ACSS3: variants seen among roughly 807,000 people sequenced by gnomAD.
ACSS3 encodes acyl-CoA synthetase short-chain family member 3, mitochondrial.
Under a neutral mutation model 84.2 loss-of-function variants are expected in ACSS3, and 64 were observed. That is an observed-to-expected ratio of 0.76 (90% CI 0.62 to 0.94). The LOEUF (loss-of-function observed/expected upper bound fraction) is 0.94, where lower values mean the gene tolerates loss of function less well. ACSS3 is among the 40% of genes least tolerant of loss of function. ACSS3 has a pLI of 0.00. For synonymous variants in ACSS3, 317 were observed against 310.1 expected, an observed-to-expected ratio of 1.02 and a Z score of -0.23; for missense variants, 815 against 867.6, an observed-to-expected ratio of 0.94 and a Z score of 0.76.
chr12:81,135,278 A>G (rs1885726548), intron 3 of ACSS3, among the ~76,000 whole-genome samples: 1 of 145,674 alleles, frequency 6.9e-6, no homozygotes, highest in East Asian at 1.9e-4. Flanking sequence ...TGATATATAT[A>G]ATATATTATA....
At chr12:81,176,178 C>A (rs1415432429) in intron 8 of ACSS3, among the ~76,000 whole-genome samples, 1 of 152,094 alleles carries the variant, frequency 6.6e-6, no homozygotes, top group Non-Finnish European at 1.5e-5. Flanking sequence ...AGCATTGATT[C>A]AACAGAAATG....
chr12:81,240,810 A>G (rs1488375568), intron 13 of ACSS3, among the ~76,000 whole-genome samples: 1 of 151,986 alleles, frequency 6.6e-6, no homozygotes, highest in African/African-American at 2.4e-5. Context: ...TCATGGGCAG[A>G]GCAAATACCT....
chr12:81,078,142 T>G lies in ACSS3; in HGVS notation c.22T>G (p.Cys8Gly). The change falls in exon 1 of 16, where the codon TGT becomes GGT. Residue 8 changes from cysteine (C) to glycine (G), a missense_variant. Cys to Gly is a radical substitution (Grantham distance 159). Transcript: ENST00000548058. ...GGAGATGAAACCGTCTTGGCTGCAG[T>G]GTCGTAAAGTCACCAGCGCCGGGGG... MKPSWLQ[C>G]RKVTSAGGLG... 1.5e-5 allele frequency: 23 copies of G among 1,495,296 alleles called. No homozygotes were observed. The highest frequency in any genetic ancestry group is 2.0e-5 in the Non-Finnish European group (23 of 1,125,838). 92.6% of individuals were successfully genotyped at this position (1,495,296 alleles called of 1,614,324 possible).
At position 81,218,675 on chromosome 12, in the gene ACSS3, CA is replaced by C. The variant is rs531586211; in HGVS notation, c.1451-1337del. Among the ~76,000 whole-genome samples the C allele has an allele frequency of 1.4e-3, 210 of 152,160 alleles. 1 individual carries two copies. The highest frequency in any genetic ancestry group is 0.011 in the Admixed American group (165 of 15,268). ...CAGAAAAAAATGTTTTGTGTTGAGA[CA>C]TTTTTAGGGGTTTCTGATGGTGGAA... On this transcript the variant is annotated intron_variant, in intron 10 of 15. Transcript: ENST00000548058.
chr12:81,117,050 T>C (rs879599844), intron 2 of ACSS3, among the ~76,000 whole-genome samples: 4 of 152,188 alleles, frequency 2.6e-5, no homozygotes, highest in Non-Finnish European at 5.9e-5. Context: ...ATTTGCTTAA[T>C]GCATTTATCA....
At chr12:81,083,754 G>A (rs1010535165) in intron 1 of ACSS3, among the ~76,000 whole-genome samples, 2 of 151,896 alleles carry the variant, frequency 1.3e-5, no homozygotes, top group Non-Finnish European at 2.9e-5. Context: ...GGCAGATGAC[G>A]ACGTCAGGAG....
At chr12:81,216,193 T>A (rs538164567) in intron 9 of ACSS3, among the ~76,000 whole-genome samples, 29 of 151,428 alleles carry the variant, frequency 1.9e-4, no homozygotes, top group Admixed American at 1.1e-3. Flanking sequence ...TTTTTTTATT[T>A]TTATTATTAT....
intron 9 of ACSS3, among the ~76,000 whole-genome samples, chr12:81,213,990 T>C (rs2032798196): frequency 1.0e-5 from 1 of 96,624 alleles, no homozygotes; most frequent in African/African-American, 3.6e-5. Context: ...TTTCTTTCTT[T>C]CTTTCTTTCT....
chr12:81,158,361 G>A (rs1215960288), intron 7 of ACSS3: 2 of 153,242 alleles, frequency 1.3e-5, no homozygotes, highest in Non-Finnish European at 2.9e-5. Flanking sequence ...TCTCTTTAAG[G>A]CCTTGTCTAC....
chr12:81,085,303 G>A (rs1230608047), intron 1 of ACSS3, among the ~76,000 whole-genome samples: 1 of 152,192 alleles, frequency 6.6e-6, no homozygotes, highest in African/African-American at 2.4e-5. Context: ...AAATACTACA[G>A]TGATTCTAGT....
chr12:81,149,904 C>T (rs188092592), intron 5 of ACSS3, among the ~76,000 whole-genome samples: 17 of 152,188 alleles, frequency 1.1e-4, no homozygotes, highest in Middle Eastern at 3.4e-3. Flanking sequence ...TGCTTTTTCA[C>T]GCATGTTCTC....
intron 13 of ACSS3, among the ~76,000 whole-genome samples, chr12:81,237,002 G>A (rs2135981869): frequency 6.6e-6 from 1 of 151,542 alleles, no homozygotes; most frequent in African/African-American, 2.4e-5. Flanking sequence ...CTACTTAAAA[G>A]GGAGGGAGGC....
chr12:81,259,432 G>A lies in ACSS3; in HGVS notation c.*4510G>A. On this transcript the variant is annotated 3_prime_UTR_variant, in exon 16 of 16. Transcript: ENST00000548058. The stretch of plus-strand genomic sequence containing the variant: ...TTCATAAAAGCATCTGTTGTACAGA[G>A]TTTATGATGTAGATGATGTTTATTA... 1.5e-6 allele frequency: 1 copy of A among 662,084 alleles called. No individual in the cohort carries two copies. Among genetic ancestry groups the A allele is most frequent in the Non-Finnish European group, 2.7e-6 (1 of 369,640 alleles). 41.0% of individuals were successfully genotyped at this position (662,084 alleles called of 1,614,324 possible).
chr12:81,172,728 G>T (rs2030168817), intron 7 of ACSS3, among the ~76,000 whole-genome samples: 2 of 152,068 alleles, frequency 1.3e-5, no homozygotes, highest in South Asian at 4.1e-4. Context: ...TATTTGATCT[G>T]CATTTAATAT....
intron 2 of ACSS3, among the ~76,000 whole-genome samples, chr12:81,132,960 CT>C (rs1477622408): frequency 1.1e-4 from 16 of 152,002 alleles, no homozygotes; most frequent in African/African-American, 3.9e-4. Context: ...CAATTTTTGT[CT>C]TGTTTTTTTG....
chr12:81,194,098 C>T (rs1025981284), intron 8 of ACSS3, among the ~76,000 whole-genome samples: 1 of 151,108 alleles, frequency 6.6e-6, no homozygotes, highest in African/African-American at 2.4e-5. Context: ...AACCACTGTA[C>T]TTCTTGAAAC....
chr12:81,155,992 C>T (rs769424982), intron 7 of ACSS3, among the ~76,000 whole-genome samples: 21 of 152,078 alleles, frequency 1.4e-4, no homozygotes, highest in South Asian at 8.3e-4. Context: ...CCAAGATAAA[C>T]GAAAACCTGG....
chr12:81,226,965 A>ACT (rs1491344854), intron 11 of ACSS3, among the ~76,000 whole-genome samples: 409 of 14,252 alleles, frequency 0.029, 7 homozygotes, highest in African/African-American at 0.072. Context: ...AATAGGATTT[A>ACT]CACACACACA....
At chr12:81,181,348 A>T (rs1471610869) in intron 8 of ACSS3, among the ~76,000 whole-genome samples, 2 of 152,090 alleles carry the variant, frequency 1.3e-5, no homozygotes, top group African/African-American at 4.8e-5. Context: ...GAACAACTGC[A>T]CTCTGCCCAA....
Sources: allele counts gnomAD v4.1 joint callset (sites outside exome capture counted in the v4.1 genomes callset), GRCh38; gene constraint gnomAD v4.1.1; transcripts MANE v1.5; gene names NCBI Gene and HGNC (gene_info 2026-07-23, HGNC 2026-07-21).